NISCH: variants seen among roughly 807,000 people sequenced by gnomAD.
The protein encoded by NISCH is nischarin.
In NISCH, 55 loss-of-function variants were observed where a neutral mutation model predicts 138.4. The ratio of observed to expected loss-of-function variants is 0.40; its 90% CI spans 0.32 to 0.50. The LOEUF (loss-of-function observed/expected upper bound fraction) is 0.50. Ranked by LOEUF, NISCH falls within the 20% of genes least tolerant of loss-of-function variation. The pLI is 0.71. For missense variants in NISCH, 1,643 were observed against 2,005.5 expected, an observed-to-expected ratio of 0.82 and a Z score of 3.45; for synonymous variants, 860 against 861.5, an observed-to-expected ratio of 1.00 and a Z score of 0.03.
intron 13 of NISCH, chr3:52,480,549 C>T (rs745632292): frequency 8.2e-5 from 121 of 1,469,394 alleles, no homozygotes; most frequent in Non-Finnish European, 1.0e-4. Context: ...TAGGAGACCG[C>T]AGGGTGTCTG....
At chr3:52,465,758 C>T (rs113067162) in intron 3 of NISCH, among the ~76,000 whole-genome samples, 205 of 152,268 alleles carry the variant, frequency 1.3e-3, no homozygotes, top group African/African-American at 4.5e-3. Context: ...TACTTCCCAA[C>T]GGTTTAGTCC....
Position 52,478,131 on chromosome 3 carries a change from A to G in NISCH, c.1022A>G (p.Tyr341Cys), listed in dbSNP as rs767751155. The change falls in exon 10 of 21, where the codon TAC (tyrosine) becomes TGC (cysteine). Residue 341 changes from tyrosine to cysteine, a missense_variant. Physicochemically the swap from Tyr to Cys is radical, Grantham distance 194. Transcript: ENST00000345716. The part of the protein sequence containing the change: ...LYNLVHLDLS[Y>C]NKLSSLEGLH... ...AACCTTGTGCATCTGGACCTGTCCTACAACAAGCTCTCCTCCTTGGAAGGG... is the reference window on the plus strand; with the variant it reads ...AACCTTGTGCATCTGGACCTGTCCTGCAACAAGCTCTCCTCCTTGGAAGGG... 59 of 1,613,988 alleles carry G rather than the reference A, an allele frequency of 3.7e-5. No individual in the cohort carries two copies. In the Admixed American group the frequency reaches 9.7e-4, roughly 26 times the overall value.
intron 15 of NISCH, chr3:52,486,685 A>G (rs563150474): frequency 2.7e-4 from 42 of 155,334 alleles, no homozygotes; most frequent in Admixed American, 7.7e-4. Flanking sequence ...CAAAATGTGT[A>G]CTCTGACCCT....
In NISCH at chr3:52,477,559, C is replaced by T; in HGVS notation, c.919-15C>T. On this transcript the variant is annotated splice_polypyrimidine_tract_variant and intron_variant, in intron 8 of 20. Transcript: ENST00000345716. ...GCCCCCTACAGTAACATCGGGTGTT[C>T]TTTTCTTTCACAAGAAACTGATCCC... is the stretch of plus-strand genomic sequence containing the variant. 3.7e-6 allele frequency: 6 copies of T among 1,611,638 alleles called. No individual in the cohort carries two copies. The highest frequency in any genetic ancestry group is 5.1e-6 in the Non-Finnish European group (6 of 1,177,692).
At chr3:52,472,091 G>A (rs1464114568) in intron 5 of NISCH, 114 bp downstream of exon 5, 9 of 1,214,212 alleles carry the variant, frequency 7.4e-6, no homozygotes, top group Non-Finnish European at 1.0e-5. Flanking sequence ...TTGGTGGAAG[G>A]AAGGCCGCCC....
intron 8 of NISCH, 22 bp downstream of exon 8, chr3:52,476,621 C>T: frequency 1.2e-6 from 2 of 1,612,900 alleles, no homozygotes; most frequent in Non-Finnish European, 1.7e-6. Context: ...GCAGCAGGTG[C>T]CAGGGGTTTC....
At chr3:52,479,219 C>T (rs1272960723) in intron 11 of NISCH, among the ~76,000 whole-genome samples, 1 of 152,168 alleles carries the variant, frequency 6.6e-6, no homozygotes, top group Non-Finnish European at 1.5e-5. Flanking sequence ...AGCTCCTGTC[C>T]AGGCCCTTGG....
Position 52,473,738 on chromosome 3 carries a change from G to A in NISCH, c.674G>A (p.Ser225Asn), listed in dbSNP as rs1430449533. 6.3e-7 allele frequency: 1 copy of A among 1,591,488 alleles called. No individual in the cohort carries two copies. The highest frequency in any genetic ancestry group is 1.7e-5 in the Admixed American group (1 of 59,690). ...IFKSLHQVEI[S>N]HCDAKHIRGL... ...TGCAGCTGTTCTTTGTTCCAGATAAGTCACTGTGATGCTAAGCACATCAGA... is the reference window on the plus strand; with the variant it reads ...TGCAGCTGTTCTTTGTTCCAGATAAATCACTGTGATGCTAAGCACATCAGA... Residue 225 changes from serine to asparagine, a missense_variant, in exon 7 of 21, where the codon AGT (serine) becomes AAT (asparagine). Transcript: ENST00000345716.
Position 52,470,888 on chromosome 3 carries a change from T to C in NISCH, c.390T>C (p.Ala130=), listed in dbSNP as rs1024356192. 8 of 1,614,130 alleles carry C rather than the reference T, an allele frequency of 5.0e-6. No homozygotes were observed. Among genetic ancestry groups the C allele is most frequent in the Non-Finnish European group, 5.9e-6 (7 of 1,180,024 alleles). The change falls in exon 4 of 21, where the codon GCT becomes GCC. Residue 130 remains alanine, a synonymous_variant. Transcript: ENST00000345716. ...YEINGITAAL[A]EELFEKGEQL... ...TAAATGGCATCACCGCGGCACTGGC[T>C]GAAGAGCTCTTTGAGAAAGGTATGT...
chr3:52,456,466 G>T (rs1015561364), intron 1 of NISCH, among the ~76,000 whole-genome samples: 1 of 152,098 alleles, frequency 6.6e-6, no homozygotes, highest in African/African-American at 2.4e-5. Context: ...GACAAATAGC[G>T]GGTAGTTCCC....
chr3:52,491,349 C>T lies in NISCH; in HGVS notation c.3743-3C>T. ...TGGCCCTGACCAGCCCCTTCTCGTGCAGGTTCCACCCCGATGCAGGTGGTC... is the reference window on the plus strand; with the variant it reads ...TGGCCCTGACCAGCCCCTTCTCGTGTAGGTTCCACCCCGATGCAGGTGGTC... On this transcript the variant is annotated splice_region_variant and splice_polypyrimidine_tract_variant and intron_variant, in intron 19 of 20. Coordinates refer to ENST00000345716, the MANE Select transcript of NISCH (RefSeq NM_007184.4). 1 of 1,609,210 alleles carries T rather than the reference C, an allele frequency of 6.2e-7. No homozygotes were observed. Among genetic ancestry groups the T allele is most frequent in the Non-Finnish European group, 8.5e-7 (1 of 1,177,808 alleles).
chr3:52,477,671 G>A lies in NISCH; in HGVS notation c.987+29G>A, dbSNP rs373307859. ...GTGCCTTTGGAGACCAGTGCTGCCCGCACACACTCCCAAGGCCCCGCCCTG... is the reference window on the plus strand; with the variant it reads ...GTGCCTTTGGAGACCAGTGCTGCCCACACACACTCCCAAGGCCCCGCCCTG... On this transcript the variant is annotated intron_variant, in intron 9 of 20. Transcript: ENST00000345716. The A allele has an allele frequency of 6.3e-6, 10 of 1,576,196 alleles. 1 individual carries two copies. The highest frequency in any genetic ancestry group is 1.7e-4 in the Middle Eastern group (1 of 5,938).
At chr3:52,474,473 T>A (rs1707044017) in intron 7 of NISCH, among the ~76,000 whole-genome samples, 1 of 152,104 alleles carries the variant, frequency 6.6e-6, no homozygotes, top group Non-Finnish European at 1.5e-5. Flanking sequence ...ATTTTTTGTA[T>A]TTTTAGTAGA....
intron 8 of NISCH, 103 bp from the exon 9 acceptor site, chr3:52,477,471 A>G (rs1434901566): frequency 1.2e-5 from 11 of 931,010 alleles, no homozygotes; most frequent in Non-Finnish European, 1.7e-5. Context: ...GTGGGAGTCC[A>G]TGGTCGGGAG....
chr3:52,481,213 A>T, intron 13 of NISCH: 1 of 1,152,228 alleles, frequency 8.7e-7, no homozygotes. Flanking sequence ...GCAACATCGG[A>T]GGATGAGAGG....
chr3:52,457,434 G>C (rs1444828553), intron 1 of NISCH, among the ~76,000 whole-genome samples: 2 of 152,238 alleles, frequency 1.3e-5, no homozygotes, highest in Non-Finnish European at 2.9e-5. Context: ...GCTCAGGCTA[G>C]AACTGGCCCT....
rs564677464 is a variant in NISCH, at chr3:52,462,847, A to G, written c.360+4003A>G. 5.3e-5 allele frequency among the ~76,000 whole-genome samples: 8 copies of G among 152,150 alleles called. No individual in the cohort carries two copies. The East Asian group carries it at 1.6e-3, about 29-fold the overall frequency. On this transcript the variant is annotated intron_variant, in intron 3 of 20. Coordinates refer to ENST00000345716, the MANE Select transcript of NISCH (RefSeq NM_007184.4). The stretch of plus-strand genomic sequence containing the variant: ...GAGACGGGGTTTCACTATGTTGGTG[A>G]GGCTGGTCTCAAACGCTTGACCTCG...
At chr3:52,463,656 G>C (rs888698130) in intron 3 of NISCH, among the ~76,000 whole-genome samples, 17 of 148,326 alleles carry the variant, frequency 1.1e-4, no homozygotes, top group Admixed American at 1.1e-3. Context: ...TGGGTGTGAA[G>C]TGGTATCTCA....
chr3:52,460,259 C>T (rs1706596261), intron 3 of NISCH, among the ~76,000 whole-genome samples: 1 of 151,204 alleles, frequency 6.6e-6, no homozygotes, highest in Admixed American at 6.6e-5. Context: ...GCCTGTGATC[C>T]CAGCTCTTTG....
Sources: gnomAD v4.1 joint callset for allele counts (sites outside exome capture counted in the v4.1 genomes callset) on GRCh38, gnomAD v4.1.1 for gene constraint, MANE v1.5 for transcripts, NCBI Gene and HGNC (gene_info 2026-07-23, HGNC 2026-07-21) for gene names.